The following FAM32A variants were observed in gnomAD, a reference collection of about 807,000 sequenced individuals.
The protein encoded by FAM32A is protein FAM32A.
Under a neutral mutation model 15.8 loss-of-function variants are expected in FAM32A, and 9 were observed. That is an observed-to-expected ratio of 0.57 (90% CI 0.34 to 1.00). The LOEUF is 1.00. FAM32A is among the 50% of genes least tolerant of loss of function. FAM32A has a pLI of 0.02. For missense variants in FAM32A, 113 were observed against 138.3 expected, an observed-to-expected ratio of 0.82 and a Z score of 0.92; for synonymous variants, 64 against 54.9, an observed-to-expected ratio of 1.16 and a Z score of -0.73.
In FAM32A at chr19:16,191,166, C is replaced by G. The variant is rs947640731; in HGVS notation, c.*211C>G. 2.4e-5 allele frequency: 14 copies of G among 572,276 alleles called. No homozygotes were observed. Among genetic ancestry groups the G allele is most frequent in the Admixed American group, 5.7e-5 (2 of 34,802 alleles). The allele number at this position is 572,276 out of a possible 1,614,324, so 35.4% of individuals were successfully genotyped here. On this transcript the variant is annotated 3_prime_UTR_variant, in exon 4 of 4. Coordinates refer to ENST00000263384, the MANE Select transcript of FAM32A (RefSeq NM_014077.4). ...TCAGTTTAGGCTTCTTGGCAACATACAGAAGATACACCCTTTTCGTTTGGA... is the reference window on the plus strand; with the variant it reads ...TCAGTTTAGGCTTCTTGGCAACATAGAGAAGATACACCCTTTTCGTTTGGA...
intron 2 of FAM32A, among the ~76,000 whole-genome samples, chr19:16,190,268 C>G (rs1016664405): frequency 6.6e-6 from 1 of 152,168 alleles, no homozygotes; most frequent in Admixed American, 6.5e-5. Context: ...CAGCTCCCAG[C>G]AGAGTCTGCT....
Position 16,185,626 on chromosome 19 carries a change from A to G in FAM32A, c.77A>G (p.Lys26Arg), listed in dbSNP as rs764382207. 6.3e-7 allele frequency: 1 copy of G among 1,599,662 alleles called. No individual in the cohort carries two copies. The highest frequency in any genetic ancestry group is 1.1e-5 in the South Asian group (1 of 88,476). ...CGCCTCCTCATGTCTTTTTCCAGGA[A>G]GAAGAAAAAGAAGGACAAAGACAAA... is the stretch of plus-strand genomic sequence containing the variant. ...GVAELGVTKR[K>R]KKKKDKDKAK... Residue 26 changes from lysine to arginine, a missense_variant and splice_region_variant, in exon 2 of 4, where the codon AAG becomes AGG. Transcript: ENST00000263384.
Position 16,191,689 on chromosome 19 carries a change from T to G in FAM32A, c.*734T>G, listed in dbSNP as rs2091407978. The G allele has an allele frequency of 6.6e-6, 1 of 152,404 alleles. No homozygotes were observed. The highest frequency in any genetic ancestry group is 2.4e-5 in the African/African-American group (1 of 41,454). The allele number at this position is 152,404 out of a possible 1,614,324, so 9.4% of individuals were successfully genotyped here. A position where few individuals can be genotyped will look rare whatever the true frequency, so the allele number is the denominator to read the frequency against. On this transcript the variant is annotated 3_prime_UTR_variant, in exon 4 of 4. Coordinates refer to ENST00000263384, the MANE Select transcript of FAM32A (RefSeq NM_014077.4). ...CCAGACACAGCCTGCCTCTCAATCC[T>G]CAGCTGGGGGCTCCTAGCAGCCTCT...
Position 16,185,708 on chromosome 19 carries a change from C to T in FAM32A, c.159C>T (p.Arg53=), listed in dbSNP as rs758466202. Residue 53 remains arginine (R), a synonymous_variant, in exon 2 of 4, where the codon CGC becomes CGT. Transcript: ENST00000263384. ...TSKKNEEEKR[R]GLDKRTPAQA... ...AAAAGAACGAGGAGGAGAAGCGGCG[C>T]GGCCTGGACAAGCGGACCCCGGCCC... 5 of 1,563,246 alleles carry T rather than the reference C, an allele frequency of 3.2e-6. No individual in the cohort carries two copies. The highest frequency in any genetic ancestry group is 2.3e-5 in the East Asian group (1 of 42,718).
In FAM32A at chr19:16,191,003, C is replaced by T. The variant is rs771524580; in HGVS notation, c.*48C>T. ...AGCATCGAGGGTTCGCAAAAGGCCA[C>T]ACTGGGGTTGTGTGTGTTTCCTTTG... On this transcript the variant is annotated 3_prime_UTR_variant, in exon 4 of 4. Transcript: ENST00000263384. 2 of 1,404,644 alleles carry T rather than the reference C, an allele frequency of 1.4e-6. No homozygotes were observed. The highest frequency in any genetic ancestry group is 2.3e-5 in the South Asian group (2 of 87,032). The allele number at this position is 1,404,644 out of a possible 1,614,324, so 87.0% of individuals were successfully genotyped here.
chr19:16,186,989 G>A (rs1000059785), intron 2 of FAM32A, among the ~76,000 whole-genome samples: 2 of 152,278 alleles, frequency 1.3e-5, no homozygotes, highest in Non-Finnish European at 2.9e-5. Flanking sequence ...CCCTGGTCTA[G>A]GTGATTCTGT....
chr19:16,191,178 C>G lies in FAM32A; in HGVS notation c.*223C>G, dbSNP rs541582307. On this transcript the variant is annotated 3_prime_UTR_variant, in exon 4 of 4. Coordinates refer to ENST00000263384, the MANE Select transcript of FAM32A (RefSeq NM_014077.4). ...TCTTGGCAACATACAGAAGATACAC[C>G]CTTTTCGTTTGGATGGAAAGTTTCT... 7 of 543,368 alleles carry G rather than the reference C, an allele frequency of 1.3e-5. 1 individual carries two copies. The highest frequency in any genetic ancestry group is 8.2e-5 in the South Asian group (4 of 48,782). The allele number at this position is 543,368 out of a possible 1,614,324, so 33.7% of individuals were successfully genotyped here. A position where few individuals can be genotyped will look rare whatever the true frequency, so the allele number is the denominator to read the frequency against.
chr19:16,185,718 A>C lies in FAM32A; in HGVS notation c.169A>C (p.Lys57Gln). ...NEEEKRRGLD[K>Q]RTPAQAAFEK... The stretch of plus-strand genomic sequence containing the variant: ...GGAGGAGAAGCGGCGCGGCCTGGAC[A>C]AGCGGACCCCGGCCCAGGCGGCCTT... Residue 57 changes from lysine to glutamine, a missense_variant, in exon 2 of 4, where the codon AAG becomes CAG. This residue lies in a region of FAM32A where 112 missense variants were observed against 118.6 expected (regional missense o/e 0.94). Transcript: ENST00000263384. The C allele has an allele frequency of 6.4e-6, 10 of 1,558,950 alleles. No individual in the cohort carries two copies. The highest frequency in any genetic ancestry group is 8.7e-6 in the Non-Finnish European group (10 of 1,150,236).
rs1473163784 is a variant in FAM32A at position 16,185,833 on chromosome 19, A to C, written c.216+68A>C. 20 of 1,506,236 alleles carry C rather than the reference A, an allele frequency of 1.3e-5. No homozygotes were observed. The Admixed American group carries it at 4.8e-4, about 36-fold the overall frequency. 93.3% of individuals were successfully genotyped at this position (1,506,236 alleles called of 1,614,324 possible). A position where few individuals can be genotyped will look rare whatever the true frequency, so the allele number is the denominator to read the frequency against. ...CGCCGGGAGACTGGAAATTGGGGTCAGGGCTGGGACGCTCCGAGGGCAGGG... is the reference window on the plus strand; with the variant it reads ...CGCCGGGAGACTGGAAATTGGGGTCCGGGCTGGGACGCTCCGAGGGCAGGG... On this transcript the variant is annotated intron_variant, in intron 2 of 3. Coordinates refer to ENST00000263384, the MANE Select transcript of FAM32A (RefSeq NM_014077.4).
Position 16,190,872 on chromosome 19 carries a change from ACTC to A in FAM32A, c.271-13_271-11del. 1 of 1,612,318 alleles carries A rather than the reference ACTC, an allele frequency of 6.2e-7. No individual in the cohort carries two copies. Among genetic ancestry groups the A allele is most frequent in the Non-Finnish European group, 8.5e-7 (1 of 1,178,676 alleles). On this transcript the variant is annotated splice_polypyrimidine_tract_variant and intron_variant, in intron 3 of 3. Transcript: ENST00000263384. The stretch of plus-strand genomic sequence containing the variant: ...GGGTCTGCGCTGACACCGGCCTTCT[ACTC>A]CACCTCCCCAGGACTTCAACAGACA...
At chr19:16,189,019 CTTTTTTTTTTTT>C (rs11340905) in intron 2 of FAM32A, among the ~76,000 whole-genome samples, 1,401 of 83,460 alleles carry the variant, frequency 0.017, 17 homozygotes, top group Middle Eastern at 0.069. Context: ...CTCAGTGCTT[CTTTTTTTTTTTT>C]TTTTTTTTTT....
At chr19:16,187,810 A>T (rs1272907028) in intron 2 of FAM32A, among the ~76,000 whole-genome samples, 1 of 146,656 alleles carries the variant, frequency 6.8e-6, no homozygotes, top group African/African-American at 2.5e-5. Context: ...CATTGGTATG[A>T]TCTCAGCTCA....
intron 2 of FAM32A, among the ~76,000 whole-genome samples, chr19:16,188,155 T>G (rs1029463014): frequency 1.3e-5 from 2 of 152,196 alleles, no homozygotes; most frequent in African/African-American, 4.8e-5. Context: ...AGGCAGCTAT[T>G]AAGAGACTAA....
At position 16,185,484 on chromosome 19, in the gene FAM32A, G is replaced by A. The variant is rs1377422014; in HGVS notation, c.42G>A (p.Leu14=). The change falls in exon 1 of 4, where the codon CTG becomes CTA. Residue 14 remains leucine, a synonymous_variant. Coordinates refer to ENST00000263384, the MANE Select transcript of FAM32A (RefSeq NM_014077.4). ...AGGTCCAAAAGGGACCCCTGAAGCT[G>A]AAAGGCGTCGCAGAGCTGGGAGTGA... ...YEQVQKGPLK[L]KGVAELGVTK... The A allele has an allele frequency of 6.4e-7, 1 of 1,564,448 alleles. No homozygotes were observed. Among genetic ancestry groups the A allele is most frequent in the Non-Finnish European group, 8.7e-7 (1 of 1,153,916 alleles).
chr19:16,189,668 CTTTTTTTTT>C lies in FAM32A; in HGVS notation c.217-834_217-826del, dbSNP rs71178652. ...TGGCTTTATATCCCACACTCCAACTCTTTTTTTTTTTTTTTTTTTTTTTTTTGACAGGGT... is the reference window on the plus strand; with the variant it reads ...TGGCTTTATATCCCACACTCCAACTCTTTTTTTTTTTTTTTTTGACAGGGT... On this transcript the variant is annotated intron_variant, in intron 2 of 3. Coordinates refer to ENST00000263384, the MANE Select transcript of FAM32A (RefSeq NM_014077.4). Among the ~76,000 whole-genome samples the C allele has an allele frequency of 2.7e-4, 16 of 58,584 alleles. 1 individual carries two copies. The highest frequency in any genetic ancestry group is 9.4e-4 in the South Asian group (1 of 1,060). 38.4% of individuals were successfully genotyped at this position (58,584 alleles called of 152,430 possible).
intron 2 of FAM32A, among the ~76,000 whole-genome samples, chr19:16,190,136 C>T (rs2091400281): frequency 1.3e-5 from 2 of 152,138 alleles, no homozygotes; most frequent in African/African-American, 4.8e-5. Context: ...ACTTGAGCAC[C>T]TGCTCTATGT....
chr19:16,185,610 A>C lies in FAM32A; in HGVS notation c.75-14A>C, dbSNP rs1193309127. The C allele has an allele frequency of 3.1e-6, 5 of 1,598,518 alleles. No individual in the cohort carries two copies. Among genetic ancestry groups the C allele is most frequent in the Non-Finnish European group, 2.6e-6 (3 of 1,172,064 alleles). On this transcript the variant is annotated splice_polypyrimidine_tract_variant and intron_variant, in intron 1 of 3. Coordinates refer to ENST00000263384, the MANE Select transcript of FAM32A (RefSeq NM_014077.4). Reference sequence around the variant, plus strand: ...TGATCCTCCGACCCGCCGCCTCCTCATGTCTTTTTCCAGGAAGAAGAAAAA... The same window carrying C: ...TGATCCTCCGACCCGCCGCCTCCTCCTGTCTTTTTCCAGGAAGAAGAAAAA...
Position 16,191,074 on chromosome 19 carries a change from A to G in FAM32A, c.*119A>G. The G allele has an allele frequency of 1.3e-6, 1 of 784,344 alleles. No homozygotes were observed. Among genetic ancestry groups the G allele is most frequent in the African/African-American group, 1.7e-5 (1 of 58,768 alleles). 48.6% of individuals were successfully genotyped at this position (784,344 alleles called of 1,614,324 possible). A position where few individuals can be genotyped will look rare whatever the true frequency, so the allele number is the denominator to read the frequency against. The stretch of plus-strand genomic sequence containing the variant: ...TACACACACCCTTGCATCTTCTGCT[A>G]CAGACTGCTTTTCGAAGCTGTGTAC... On this transcript the variant is annotated 3_prime_UTR_variant, in exon 4 of 4. Transcript: ENST00000263384.
At chr19:16,185,542 C>G (rs367675639) in intron 1 of FAM32A, 26 bp downstream of exon 1, 107 of 1,570,136 alleles carry the variant, frequency 6.8e-5, no homozygotes, top group Non-Finnish European at 7.8e-5. Context: ...CCGCGGGATT[C>G]CGTCTTCATC....
Sources: gnomAD v4.1 joint callset for allele counts (sites outside exome capture counted in the v4.1 genomes callset) on GRCh38, gnomAD v4.1.1 for gene constraint, gnomAD v4.1.1 regional missense constraint, MANE v1.5 for transcripts, NCBI Gene and HGNC (gene_info 2026-07-23, HGNC 2026-07-21) for gene names.